The following CDH13 variants were observed in gnomAD, a reference collection of about 807,000 sequenced individuals.
CDH13 encodes the protein cadherin 13.
Under a neutral mutation model 63.8 loss-of-function variants are expected in CDH13, and 24 were observed. The ratio of observed to expected loss-of-function variants is 0.38; its 90% CI spans 0.27 to 0.53. CDH13 has a LOEUF of 0.53. Ranked by LOEUF, CDH13 falls within the 20% of genes least tolerant of loss-of-function variation. CDH13 has a pLI of 0.85. For synonymous variants in CDH13, 503 were observed against 355.3 expected (o/e 1.42, Z -4.67); for missense variants, 1,049 against 903.1 (o/e 1.16, Z -2.07).
chr16:83,229,198 C>A (rs181847401), intron 5 of CDH13, among the ~76,000 whole-genome samples: 29 of 152,158 alleles, frequency 1.9e-4, no homozygotes, highest in Admixed American at 1.7e-3. Flanking sequence ...TTTATTTGAG[C>A]AAGTCAACAA....
intron 4 of CDH13, among the ~76,000 whole-genome samples, chr16:83,138,087 TC>T (rs2036375712): frequency 1.3e-5 from 2 of 151,960 alleles, no homozygotes; most frequent in African/African-American, 4.8e-5. Context: ...GTTTAATTGT[TC>T]CCATCTGTGA....
intron 5 of CDH13, among the ~76,000 whole-genome samples, chr16:83,253,311 G>C (rs369055697): frequency 8.5e-5 from 13 of 152,180 alleles, no homozygotes; most frequent in African/African-American, 2.7e-4. Context: ...GACATTAGTC[G>C]CACCTGCAGT....
At chr16:83,531,028 A>G (rs1014332571) in intron 7 of CDH13, among the ~76,000 whole-genome samples, 5 of 152,258 alleles carry the variant, frequency 3.3e-5, no homozygotes, top group African/African-American at 1.2e-4. Context: ...GTGTGTTTTC[A>G]TGGGATAGTT....
At chr16:83,598,147 C>T (rs947577202) in intron 7 of CDH13, among the ~76,000 whole-genome samples, 1 of 152,144 alleles carries the variant, frequency 6.6e-6, no homozygotes, top group Non-Finnish European at 1.5e-5. Context: ...GGGCAAATTG[C>T]TTGAGCTAAG....
chr16:83,181,073 A>G, intron 4 of CDH13: 3 of 1,384,588 alleles, frequency 2.2e-6, no homozygotes, highest in Non-Finnish European at 2.9e-6. Context: ...ATGTGTTTAA[A>G]TAAATTGTCC....
At chr16:82,646,771 T>A (rs6565052) in intron 1 of CDH13, among the ~76,000 whole-genome samples, 1 of 151,732 alleles carries the variant, frequency 6.6e-6, no homozygotes, top group Non-Finnish European at 1.5e-5. Flanking sequence ...AAGGAGAAAG[T>A]AATGATCAAG....
intron 1 of CDH13, among the ~76,000 whole-genome samples, chr16:82,711,464 C>A (rs1597380963): frequency 6.6e-6 from 1 of 152,312 alleles, no homozygotes; most frequent in East Asian, 1.9e-4. Context: ...TTCAAGCATA[C>A]TTCATCCACT....
chr16:83,302,584 T>C (rs1313587230), intron 5 of CDH13, among the ~76,000 whole-genome samples: 1 of 152,208 alleles, frequency 6.6e-6, no homozygotes, highest in Non-Finnish European at 1.5e-5. Flanking sequence ...AAGTCAATTT[T>C]GGGAAAATGT....
chr16:83,176,005 T>C (rs924696197), intron 4 of CDH13, among the ~76,000 whole-genome samples: 1 of 151,472 alleles, frequency 6.6e-6, no homozygotes, highest in Non-Finnish European at 1.5e-5. Flanking sequence ...ATTTTTGTTT[T>C]TGTTTTTGTT....
At chr16:83,381,439 A>G (rs2091565292) in intron 6 of CDH13, among the ~76,000 whole-genome samples, 1 of 151,690 alleles carries the variant, frequency 6.6e-6, no homozygotes, top group African/African-American at 2.4e-5. Context: ...TTCCCTATCC[A>G]TGTTCATGAT....
intron 8 of CDH13, among the ~76,000 whole-genome samples, chr16:83,627,164 C>T (rs1388723932): frequency 1.3e-5 from 2 of 151,174 alleles, no homozygotes; most frequent in Admixed American, 6.6e-5. Context: ...GCAGCCTGCA[C>T]CTGTAGTCTC....
At chr16:83,398,014 A>G (rs574934841) in intron 6 of CDH13, 1 of 130,510 alleles carries the variant, frequency 7.7e-6, no homozygotes, top group East Asian at 2.8e-4. Context: ...TGTCCTGGGG[A>G]AAAAATACCC....
intron 1 of CDH13, among the ~76,000 whole-genome samples, chr16:82,703,627 A>G (rs2031237337): frequency 6.6e-6 from 1 of 152,146 alleles, no homozygotes; most frequent in South Asian, 2.1e-4. Context: ...AGCTACTTAC[A>G]TTCGAGAACT....
intron 1 of CDH13, among the ~76,000 whole-genome samples, chr16:82,662,791 G>A (rs1912115583): frequency 6.6e-6 from 1 of 152,172 alleles, no homozygotes; most frequent in Admixed American, 6.5e-5. Flanking sequence ...GTGTCCCTCT[G>A]GGAGGGCTTC....
intron 6 of CDH13, among the ~76,000 whole-genome samples, chr16:83,399,603 C>G (rs139877589): frequency 6.6e-6 from 1 of 152,106 alleles, no homozygotes; most frequent in African/African-American, 2.4e-5. Context: ...AGGACTCACT[C>G]GTAACCAGTA....
chr16:83,233,970 A>T (rs1180812957), intron 5 of CDH13, among the ~76,000 whole-genome samples: 2 of 152,326 alleles, frequency 1.3e-5, no homozygotes, highest in East Asian at 3.9e-4. Context: ...GTGATGGATG[A>T]TCTTAACCTT....
At chr16:83,562,282 T>A (rs1040367673) in intron 7 of CDH13, among the ~76,000 whole-genome samples, 4 of 152,116 alleles carry the variant, frequency 2.6e-5, no homozygotes, top group African/African-American at 7.2e-5. Flanking sequence ...TGTCAGATAA[T>A]AAGAACTTTT....
intron 1 of CDH13, among the ~76,000 whole-genome samples, chr16:82,706,389 A>G (rs895287830): frequency 1.3e-5 from 2 of 152,178 alleles, no homozygotes; most frequent in African/African-American, 4.8e-5. Context: ...AATTATCTGC[A>G]TATAAGGATA....
intron 7 of CDH13, among the ~76,000 whole-genome samples, chr16:83,518,292 T>G (rs1415999226): frequency 6.6e-6 from 1 of 151,558 alleles, no homozygotes; most frequent in Non-Finnish European, 1.5e-5. Flanking sequence ...TACAGGCACA[T>G]GCCACCACAC....
Sources: gnomAD v4.1 joint callset for allele counts (sites outside exome capture counted in the v4.1 genomes callset) on GRCh38, gnomAD v4.1.1 for gene constraint, MANE v1.5 for transcripts, NCBI Gene and HGNC (gene_info 2026-07-23, HGNC 2026-07-21) for gene names.